Variants in FRMD4A observed in about 807,000 individuals in gnomAD.
FRMD4A encodes FERM domain containing 4A.
A neutral mutation model predicts 129.1 loss-of-function variants in FRMD4A; 29 were observed. That is an observed-to-expected ratio of 0.22 (90% CI 0.17 to 0.31). The LOEUF (loss-of-function observed/expected upper bound fraction) is 0.31, where lower values mean the gene tolerates loss of function less well. FRMD4A is among the 10% of genes least tolerant of loss of function. The pLI, the probability that FRMD4A is intolerant of heterozygous loss-of-function variation, is 1.00. For synonymous variants in FRMD4A, 634 were observed against 571.6 expected, an observed-to-expected ratio of 1.11 and a Z score of -1.56; for missense variants, 1,272 against 1,375.8, an observed-to-expected ratio of 0.92 and a Z score of 1.19.
chr10:14,022,991 C>T (rs1363178838), intron 2 of FRMD4A, among the ~76,000 whole-genome samples: 2 of 152,150 alleles, frequency 1.3e-5, no homozygotes, highest in African/African-American at 4.8e-5. Flanking sequence ...CACAGATCAC[C>T]CCCAAGAGTG....
chr10:14,254,271 G>A (rs1844535023), intron 2 of FRMD4A, among the ~76,000 whole-genome samples: 1 of 152,130 alleles, frequency 6.6e-6, no homozygotes, highest in African/African-American at 2.4e-5. Context: ...CCCTTAGGTG[G>A]GCCTATAGGA....
chr10:14,107,359 G>T (rs1837641666), intron 2 of FRMD4A, among the ~76,000 whole-genome samples: 1 of 152,114 alleles, frequency 6.6e-6, no homozygotes, highest in Admixed American at 6.5e-5. Flanking sequence ...AATAAAAGTT[G>T]AAATTGTAAT....
chr10:14,134,618 GATGGATGA>G (rs1839439165), intron 2 of FRMD4A, among the ~76,000 whole-genome samples: 1 of 151,448 alleles, frequency 6.6e-6, no homozygotes, highest in East Asian at 2.0e-4. Context: ...ATAAATGAGG[GATGGATGA>G]ATGGGTGAAT....
At chr10:14,171,845 A>G (rs1409379771) in intron 2 of FRMD4A, among the ~76,000 whole-genome samples, 1 of 152,228 alleles carries the variant, frequency 6.6e-6, no homozygotes, top group Admixed American at 6.5e-5. Context: ...GGAAATCAGA[A>G]ACTTCAAGCT....
Position 14,048,900 on chromosome 10 carries a change from TAG to T in FRMD4A, c.46-189990_46-189989del, listed in dbSNP as rs200661986. 1.3e-3 allele frequency among the ~76,000 whole-genome samples: 142 copies of T among 105,498 alleles called. 4 individuals carry two copies. Among genetic ancestry groups the T allele is most frequent in the African/African-American group, 3.9e-3 (93 of 24,000 alleles). 69.2% of individuals were successfully genotyped at this position (105,498 alleles called of 152,430 possible). On this transcript the variant is annotated intron_variant, in intron 2 of 24. Coordinates refer to ENST00000357447, the MANE Select transcript of FRMD4A (RefSeq NM_018027.5). ...TAGAATAGAATAGAATAGAATAGAA[TAG>T]AAAATAAAATGAAATATGGTGGGAG...
intron 2 of FRMD4A, among the ~76,000 whole-genome samples, chr10:13,865,081 C>A (rs966848461): frequency 3.3e-5 from 5 of 152,070 alleles, no homozygotes; most frequent in African/African-American, 1.2e-4. Context: ...CTCAATTGAT[C>A]CTCCTGCCTT....
intron 15 of FRMD4A, among the ~76,000 whole-genome samples, chr10:13,690,593 C>T (rs1308299792): frequency 2.0e-5 from 3 of 152,200 alleles, no homozygotes; most frequent in African/African-American, 4.8e-5. Flanking sequence ...CAGGCTCAAA[C>T]TTGCAGGGCT....
At chr10:13,817,158 A>G (rs997344552) in intron 3 of FRMD4A, among the ~76,000 whole-genome samples, 10 of 152,178 alleles carry the variant, frequency 6.6e-5, no homozygotes, top group African/African-American at 2.2e-4. Flanking sequence ...AGTCTTTCCA[A>G]CACCAACTGG....
chr10:13,751,262 T>C (rs2091609062), intron 8 of FRMD4A, among the ~76,000 whole-genome samples: 1 of 152,178 alleles, frequency 6.6e-6, no homozygotes. Context: ...ATTTCCTCAC[T>C]GAAGCCTGCA....
At chr10:13,877,437 A>G (rs1167572025) in intron 2 of FRMD4A, among the ~76,000 whole-genome samples, 2 of 152,208 alleles carry the variant, frequency 1.3e-5, no homozygotes, top group Non-Finnish European at 2.9e-5. Flanking sequence ...GCATCGGAGC[A>G]AGACACATCT....
intron 2 of FRMD4A, among the ~76,000 whole-genome samples, chr10:14,261,164 G>A (rs1040949301): frequency 2.0e-5 from 3 of 152,164 alleles, no homozygotes; most frequent in Admixed American, 6.5e-5. Context: ...GGGGCAGTTC[G>A]CCTCATGGTT....
intron 2 of FRMD4A, among the ~76,000 whole-genome samples, chr10:13,988,865 A>G (rs2095592585): frequency 6.6e-6 from 1 of 152,208 alleles, no homozygotes; most frequent in Admixed American, 6.5e-5. Context: ...CAGAGAGGAT[A>G]CTTTAGATCC....
At chr10:13,966,153 G>T (rs2131372363) in intron 2 of FRMD4A, among the ~76,000 whole-genome samples, 1 of 152,210 alleles carries the variant, frequency 6.6e-6, no homozygotes, top group East Asian at 1.9e-4. Flanking sequence ...CTCAGTAGCT[G>T]GGATTACAGG....
chr10:13,982,313 A>G (rs2095564661), intron 2 of FRMD4A, among the ~76,000 whole-genome samples: 1 of 151,926 alleles, frequency 6.6e-6, no homozygotes, highest in African/African-American at 2.4e-5. Flanking sequence ...GGAGGACCCC[A>G]TCTCTGCAAA....
intron 2 of FRMD4A, among the ~76,000 whole-genome samples, chr10:14,241,145 C>T (rs1844028661): frequency 6.6e-6 from 1 of 152,144 alleles, no homozygotes; most frequent in Non-Finnish European, 1.5e-5. Context: ...AAATGCAGTG[C>T]TTTCAAGGGA....
chr10:14,324,157 G>A (rs901553895), intron 2 of FRMD4A, among the ~76,000 whole-genome samples: 3 of 152,142 alleles, frequency 2.0e-5, no homozygotes, highest in Admixed American at 2.0e-4. Context: ...AGCAGAAAAT[G>A]AAATAAAAAT....
intron 2 of FRMD4A, among the ~76,000 whole-genome samples, chr10:14,088,207 G>A (rs1223151433): frequency 6.6e-6 from 1 of 152,124 alleles, no homozygotes; most frequent in Admixed American, 6.5e-5. Flanking sequence ...AGCACTCTGG[G>A]AGGCTGAGGT....
At chr10:14,169,554 T>C (rs2131883077) in intron 2 of FRMD4A, among the ~76,000 whole-genome samples, 1 of 152,238 alleles carries the variant, frequency 6.6e-6, no homozygotes, top group African/African-American at 2.4e-5. Context: ...CCCAGATAAA[T>C]CACCCTTTAC....
At chr10:14,223,178 T>G (rs1843319766) in intron 2 of FRMD4A, among the ~76,000 whole-genome samples, 1 of 152,194 alleles carries the variant, frequency 6.6e-6, no homozygotes, top group South Asian at 2.1e-4. Flanking sequence ...AGATGCAGAC[T>G]TCTAGGGTCC....
Sources: allele counts gnomAD v4.1 joint callset (sites outside exome capture counted in the v4.1 genomes callset), GRCh38; gene constraint gnomAD v4.1.1; transcripts MANE v1.5; gene names NCBI Gene and HGNC (gene_info 2026-07-23, HGNC 2026-07-21).